CADPS: variants seen among roughly 807,000 people sequenced by gnomAD.
The protein encoded by CADPS is calcium-dependent secretion activator 1.
A neutral mutation model predicts 167.3 loss-of-function variants in CADPS; 57 were observed. The ratio of observed to expected loss-of-function variants is 0.34; its 90% CI spans 0.28 to 0.42. The LOEUF (loss-of-function observed/expected upper bound fraction) is 0.42, where lower values mean the gene tolerates loss of function less well. CADPS is among the 20% of genes least tolerant of loss of function. CADPS has a pLI of 1.00. For missense variants in CADPS, 1,414 were observed against 1,738.1 expected, an observed-to-expected ratio of 0.81 and a Z score of 3.32; for synonymous variants, 676 against 635.3, an observed-to-expected ratio of 1.06 and a Z score of -0.96.
chr3:62,874,213 G>T lies in CADPS; in HGVS notation c.441+376C>A, dbSNP rs1233632819. 6.6e-6 allele frequency among the ~76,000 whole-genome samples: 1 copy of T among 152,130 alleles called. No homozygotes were observed. Among genetic ancestry groups the T allele is most frequent in the Non-Finnish European group, 1.5e-5 (1 of 68,002 alleles). On this transcript the variant is annotated intron_variant, in intron 1 of 29. Coordinates refer to ENST00000383710, the MANE Select transcript of CADPS (RefSeq NM_003716.4). This position sits in a 1 kb window ranked among gnomAD's most constrained non-coding sequence, Gnocchi z 7.1. ...GAGCGCAGCCGCCCGCCGCTGGAGA[G>T]CGCTGGGAGCCCTGCAAGCGAGCAA...
At chr3:62,552,753 T>C (rs2077514514) in intron 10 of CADPS, among the ~76,000 whole-genome samples, 1 of 152,164 alleles carries the variant, frequency 6.6e-6, no homozygotes, top group South Asian at 2.1e-4. Context: ...GGCCAGGGAT[T>C]TAGGACAATA....
At chr3:62,799,090 G>A (rs1440941126) in intron 1 of CADPS, among the ~76,000 whole-genome samples, 1 of 152,128 alleles carries the variant, frequency 6.6e-6, no homozygotes, top group Non-Finnish European at 1.5e-5. Context: ...GACAGCATAT[G>A]TGTGTCATGT....
intron 3 of CADPS, among the ~76,000 whole-genome samples, chr3:62,733,883 A>AT (rs2078445387): frequency 6.6e-6 from 1 of 152,092 alleles, no homozygotes; most frequent in Non-Finnish European, 1.5e-5. Flanking sequence ...TCATTATATC[A>AT]TTTTTATGCC....
chr3:62,448,923 TGAACTTTAAGAA>T (rs2057640817), intron 26 of CADPS, among the ~76,000 whole-genome samples: 1 of 152,124 alleles, frequency 6.6e-6, no homozygotes, highest in East Asian at 1.9e-4. Flanking sequence ...CGCTGGATAT[TGAACTTTAAGAA>T]GGACATTGAT....
intron 3 of CADPS, among the ~76,000 whole-genome samples, chr3:62,713,839 G>T (rs2083878356): frequency 6.6e-6 from 1 of 152,146 alleles, no homozygotes; most frequent in African/African-American, 2.4e-5. Context: ...AATCTTTCCT[G>T]TTGGAGCTGA....
At chr3:62,727,279 C>T (rs531460952) in intron 3 of CADPS, among the ~76,000 whole-genome samples, 10 of 151,876 alleles carry the variant, frequency 6.6e-5, no homozygotes, top group Non-Finnish European at 1.5e-4. Flanking sequence ...GAACAAACTA[C>T]TGTTACCTGC....
intron 28 of CADPS, among the ~76,000 whole-genome samples, chr3:62,405,032 T>C (rs1355864137): frequency 6.6e-6 from 1 of 150,970 alleles, no homozygotes; most frequent in East Asian, 2.0e-4. Context: ...ACTGGGTCAC[T>C]GGTATTCTGG....
At chr3:62,480,406 T>C (rs2061850348) in intron 22 of CADPS, among the ~76,000 whole-genome samples, 1 of 152,228 alleles carries the variant, frequency 6.6e-6, no homozygotes, top group South Asian at 2.1e-4. Context: ...TGTGTTCTTT[T>C]TTAGAAGCTT....
At chr3:62,752,528 G>A (rs893842000) in intron 3 of CADPS, among the ~76,000 whole-genome samples, 2 of 152,094 alleles carry the variant, frequency 1.3e-5, no homozygotes, top group South Asian at 4.1e-4. Context: ...TTATTAATTC[G>A]ATAAACATTT....
intron 1 of CADPS, among the ~76,000 whole-genome samples, chr3:62,870,068 A>T (rs2082341432): frequency 6.6e-6 from 1 of 152,190 alleles, no homozygotes; most frequent in Admixed American, 6.5e-5. Flanking sequence ...CTTTCATGGT[A>T]TTCCGCATCT....
At chr3:62,676,521 T>G (rs1266342098) in intron 3 of CADPS, among the ~76,000 whole-genome samples, 2 of 152,160 alleles carry the variant, frequency 1.3e-5, no homozygotes, top group African/African-American at 2.4e-5. Context: ...TAAAAATAAG[T>G]GGGTGATCTA....
At chr3:62,598,524 A>T (rs1048788344) in intron 6 of CADPS, among the ~76,000 whole-genome samples, 1 of 152,232 alleles carries the variant, frequency 6.6e-6, no homozygotes, top group African/African-American at 2.4e-5. Context: ...TATTTGTAAT[A>T]GAAATAGCTA....
chr3:62,482,669 G>A (rs547367702), intron 21 of CADPS, among the ~76,000 whole-genome samples: 2 of 152,298 alleles, frequency 1.3e-5, no homozygotes, highest in South Asian at 4.1e-4. Context: ...GATTTAAAAT[G>A]TGGCTTCATA....
intron 10 of CADPS, among the ~76,000 whole-genome samples, chr3:62,554,760 G>T (rs1409451157): frequency 6.6e-6 from 1 of 152,048 alleles, no homozygotes; most frequent in African/African-American, 2.4e-5. Context: ...TTACTTTTTT[G>T]TTGTTTGTTT....
chr3:62,840,962 G>A lies in CADPS; in HGVS notation c.441+33627C>T, dbSNP rs145490561. 4.5e-3 allele frequency among the ~76,000 whole-genome samples: 685 copies of A among 152,214 alleles called. 3 individuals are homozygous for A. Among genetic ancestry groups the A allele is most frequent in the African/African-American group, 0.012 (508 of 41,534 alleles). On this transcript the variant is annotated intron_variant, in intron 1 of 29. Transcript: ENST00000383710. ...CAGTTAGTTGGAATCCTGTCTTGTC[G>A]TACTAATAATCTTGGTGCCTCCAAA...
intron 7 of CADPS, among the ~76,000 whole-genome samples, chr3:62,588,748 T>A (rs997088964): frequency 2.0e-5 from 3 of 152,302 alleles, no homozygotes; most frequent in Middle Eastern, 3.4e-3. Context: ...TATATCTACA[T>A]AATGGAATAC....
chr3:62,748,095 C>A (rs1470261865), intron 3 of CADPS, among the ~76,000 whole-genome samples: 1 of 143,092 alleles, frequency 7.0e-6, no homozygotes, highest in African/African-American at 2.6e-5. Flanking sequence ...CTGAGGCGGG[C>A]GGATCACAAG....
chr3:62,483,781 C>A (rs115305890), intron 21 of CADPS, among the ~76,000 whole-genome samples: 1,744 of 152,158 alleles, frequency 0.011, 26 homozygotes, highest in African/African-American at 0.04. Context: ...TTAAACACTG[C>A]CATGTAACAA....
chr3:62,863,191 T>C (rs910718004), intron 1 of CADPS, among the ~76,000 whole-genome samples: 1 of 152,118 alleles, frequency 6.6e-6, no homozygotes, highest in Admixed American at 6.5e-5. Context: ...TAAGGTGTGA[T>C]GAATGCCTCA....
Sources: allele counts gnomAD v4.1 joint callset (sites outside exome capture counted in the v4.1 genomes callset), GRCh38; gene constraint gnomAD v4.1.1; non-coding constraint Gnocchi (gnomAD v3.1); transcripts MANE v1.5; gene names NCBI Gene and HGNC (gene_info 2026-07-23, HGNC 2026-07-21).